Variants in GPR132 observed in about 807,000 individuals in gnomAD.
The protein encoded by GPR132 is G protein-coupled receptor 132.
GPR132 carries 4 observed loss-of-function variants against 1.9 expected under a neutral mutation model. The ratio of observed to expected loss-of-function variants is 2.13; its 90% confidence interval spans 1.05 to 4.87. The LOEUF (loss-of-function observed/expected upper bound fraction) is 4.87, where lower values mean the gene tolerates loss of function less well. Among genes scored for constraint, GPR132 ranks in the 30% most tolerant of loss-of-function variants. The pLI, the probability that GPR132 is intolerant of heterozygous loss-of-function variation, is 0.01. For synonymous variants in GPR132, 233 were observed against 234.2 expected (o/e 0.99, Z 0.05); for missense variants, 404 against 512.5 (o/e 0.79, Z 2.04).
At chr14:105,057,666 G>A (rs1278763898) in intron 1 of GPR132, among the ~76,000 whole-genome samples, 4 of 147,590 alleles carry the variant, frequency 2.7e-5, no homozygotes, top group South Asian at 4.3e-4. Flanking sequence ...GAGTACAGTC[G>A]CCTGCCACCA....
In GPR132 at chr14:105,056,102, C is replaced by G. The variant is rs1323923827; in HGVS notation, c.-682G>C. On this transcript the variant is annotated 5_prime_UTR_variant, in exon 3 of 4. Coordinates refer to ENST00000329797, the MANE Select transcript of GPR132 (RefSeq NM_013345.4). This position sits in a 1 kb window ranked among gnomAD's most constrained non-coding sequence, Gnocchi z 6.0. The stretch of plus-strand genomic sequence containing the variant: ...GCGGTGTGCAGGGCTCCGGTCTCCC[C>G]ACAGCCTCGCTGCGCTTGCTGGGTT... 1 of 984,372 alleles carries G rather than the reference C, an allele frequency of 1.0e-6. No homozygotes were observed. The highest frequency in any genetic ancestry group is 1.7e-5 in the African/African-American group (1 of 57,234). The allele number at this position is 984,372 out of a possible 1,614,324, so 61.0% of individuals were successfully genotyped here. A position where few individuals can be genotyped will look rare whatever the true frequency, so the allele number is the denominator to read the frequency against.
chr14:105,051,575 C>A lies in GPR132; in HGVS notation c.562G>T (p.Asp188Tyr). 1 of 1,614,046 alleles carries A rather than the reference C, an allele frequency of 6.2e-7. No individual in the cohort carries two copies. Among genetic ancestry groups the A allele is most frequent in the South Asian group, 1.1e-5 (1 of 91,082 alleles). Residue 188 changes from aspartate to tyrosine, a missense_variant, in exon 4 of 4, where the codon GAC becomes TAC. Asp to Tyr is a radical substitution (Grantham distance 160). Transcript: ENST00000329797. This position sits in a 1 kb window ranked among gnomAD's most constrained non-coding sequence, Gnocchi z 8.0. ...ATCCTGCTGTCCATCTGCAGCATGT[C>A]AAAGCAGGTCTCCTTGTCTTCCGTC... ...FQTEDKETCF[D>Y]MLQMDSRIAG...
At chr14:105,053,145 G>GTATTTT (rs1566733397) in intron 3 of GPR132, among the ~76,000 whole-genome samples, 1 of 137,604 alleles carries the variant, frequency 7.3e-6, no homozygotes, top group Non-Finnish European at 1.5e-5. Flanking sequence ...CTAACCTGTA[G>GTATTTT]TCTTTTTTTT....
intron 1 of GPR132, among the ~76,000 whole-genome samples, chr14:105,062,342 C>T (rs559307676): frequency 3.3e-5 from 5 of 152,312 alleles, no homozygotes; most frequent in African/African-American, 9.6e-5. Context: ...CCTTGGCAGC[C>T]CACTGAGGCC....
rs1886572904 is a variant in GPR132 at position 105,049,484 on chromosome 14, A to G, written c.*1510T>C. 6.6e-6 allele frequency: 1 copy of G among 152,048 alleles called. No individual in the cohort carries two copies. The highest frequency in any genetic ancestry group is 2.4e-5 in the African/African-American group (1 of 41,378). 9.4% of individuals were successfully genotyped at this position (152,048 alleles called of 1,614,324 possible). ...TGCCATGTTGCCGAGGCTGGTCTCA[A>G]ACTCCTGACCTCAACTGATCCTCCC... is the stretch of plus-strand genomic sequence containing the variant. On this transcript the variant is annotated 3_prime_UTR_variant, in exon 4 of 4. Transcript: ENST00000329797.
In GPR132 at chr14:105,051,540, G is replaced by A. The variant is rs763457133; in HGVS notation, c.597C>T (p.Tyr199=). The A allele has an allele frequency of 6.2e-7, 1 of 1,614,024 alleles. No individual in the cohort carries two copies. The highest frequency in any genetic ancestry group is 8.5e-7 in the Non-Finnish European group (1 of 1,180,032). ...AGCCAACGGTGAACCTGGCGTAGTA[G>A]TACCCGGCAATCCTGCTGTCCATCT... ...MLQMDSRIAG[Y]YYARFTVGFA... Residue 199 remains tyrosine (Y), a synonymous_variant, in exon 4 of 4, where the codon TAC becomes TAT. Transcript: ENST00000329797. This position sits in a 1 kb window ranked among gnomAD's most constrained non-coding sequence, Gnocchi z 8.0.
intron 3 of GPR132, 84 bp from the exon 4 acceptor site, chr14:105,052,186 C>G: frequency 1.7e-6 from 2 of 1,189,366 alleles, no homozygotes; most frequent in South Asian, 3.1e-5. Flanking sequence ...AGGATAGAAG[C>G]TTTGTGGTAG....
Position 105,050,739 on chromosome 14 carries a change from G to C in GPR132, c.*255C>G, listed in dbSNP as rs1234880693. 5.6e-6 allele frequency: 3 copies of C among 533,678 alleles called. No individual in the cohort carries two copies. The highest frequency in any genetic ancestry group is 1.0e-5 in the Non-Finnish European group (3 of 298,984). The allele number at this position is 533,678 out of a possible 1,614,324, so 33.1% of individuals were successfully genotyped here. On this transcript the variant is annotated 3_prime_UTR_variant, in exon 4 of 4. Coordinates refer to ENST00000329797, the MANE Select transcript of GPR132 (RefSeq NM_013345.4). This position sits in a 1 kb window ranked among gnomAD's most constrained non-coding sequence, Gnocchi z 4.0. ...CAGCCAGGCAGGCTGCTGATGAAGA[G>C]GCCCCACTGCCTGCCACATGCTCTC... is the stretch of plus-strand genomic sequence containing the variant.
In GPR132 at chr14:105,059,136, C is replaced by G. The variant is rs889594532; in HGVS notation, c.-860-1856G>C. Among the ~76,000 whole-genome samples the G allele has an allele frequency of 1.3e-5, 2 of 152,262 alleles. No individual in the cohort carries two copies. Among genetic ancestry groups the G allele is most frequent in the African/African-American group, 4.8e-5 (2 of 41,476 alleles). On this transcript the variant is annotated intron_variant, in intron 1 of 3. Coordinates refer to ENST00000329797, the MANE Select transcript of GPR132 (RefSeq NM_013345.4). The surrounding 1 kb of genome is among the most constrained non-coding windows in gnomAD (Gnocchi z 4.2). Reference sequence around the variant, plus strand: ...AGTCTCCCAGTGCACACTCCCCTCCCAGGGCAGGGCCGGCCCGGCTGCGGG... The same window carrying G: ...AGTCTCCCAGTGCACACTCCCCTCCGAGGGCAGGGCCGGCCCGGCTGCGGG...
chr14:105,050,774 G>A lies in GPR132; in HGVS notation c.*220C>T, dbSNP rs988473216. On this transcript the variant is annotated 3_prime_UTR_variant, in exon 4 of 4. Coordinates refer to ENST00000329797, the MANE Select transcript of GPR132 (RefSeq NM_013345.4). This position sits in a 1 kb window ranked among gnomAD's most constrained non-coding sequence, Gnocchi z 4.0. ...CCTGCCACATGCTCTCTGGGCTCCCGGAAGCCTGGAGGTGTCGCTCCTCCC... is the reference window on the plus strand; with the variant it reads ...CCTGCCACATGCTCTCTGGGCTCCCAGAAGCCTGGAGGTGTCGCTCCTCCC... 11 of 571,714 alleles carry A rather than the reference G, an allele frequency of 1.9e-5. No homozygotes were observed. Among genetic ancestry groups the A allele is most frequent in the South Asian group, 1.1e-4 (5 of 44,526 alleles). 35.4% of individuals were successfully genotyped at this position (571,714 alleles called of 1,614,324 possible). A position where few individuals can be genotyped will look rare whatever the true frequency, so the allele number is the denominator to read the frequency against.
rs150049701 is a variant in GPR132 at position 105,051,357 on chromosome 14, C to G, written c.780G>C (p.Leu260=). The G allele has an allele frequency of 3.2e-5, 52 of 1,613,970 alleles. No individual in the cohort carries two copies. The African/African-American group carries it at 5.2e-4, about 16-fold the overall frequency. ...IFLVCFAPYH[L]VLLVKAAAFS... is the part of the protein sequence containing the mutation. Reference sequence around the variant, plus strand: ...AGGCAGCGGCTTTGACGAGGAGAACCAGGTGGTACGGGGCGAAGCAGACTA... The same window carrying G: ...AGGCAGCGGCTTTGACGAGGAGAACGAGGTGGTACGGGGCGAAGCAGACTA... The change falls in exon 4 of 4, where the codon CTG becomes CTC. Residue 260 remains leucine (L), a synonymous_variant. Coordinates refer to ENST00000329797, the MANE Select transcript of GPR132 (RefSeq NM_013345.4). This position sits in a 1 kb window ranked among gnomAD's most constrained non-coding sequence, Gnocchi z 8.0.
In GPR132 at chr14:105,051,971, C is replaced by A; in HGVS notation, c.166G>T (p.Gly56Trp). 1.2e-6 allele frequency: 2 copies of A among 1,613,390 alleles called. No individual in the cohort carries two copies. Among genetic ancestry groups the A allele is most frequent in the Non-Finnish European group, 1.7e-6 (2 of 1,179,982 alleles). ...VVVYSAVCTL[G>W]VPANCLTAWL... Reference sequence around the variant, plus strand: ...GCAGTCAGGCAGTTGGCCGGCACCCCCAGCGTGCACACCGCGCTGTACACC... The same window carrying A: ...GCAGTCAGGCAGTTGGCCGGCACCCACAGCGTGCACACCGCGCTGTACACC... The change falls in exon 4 of 4, where the codon GGG becomes TGG. Residue 56 changes from glycine (G) to tryptophan (W), a missense_variant. Transcript: ENST00000329797. This position sits in a 1 kb window ranked among gnomAD's most constrained non-coding sequence, Gnocchi z 8.0.
At chr14:105,052,207 A>AGAT in intron 3 of GPR132, 105 bp from the exon 4 acceptor site, 6 of 885,358 alleles carry the variant, frequency 6.8e-6, no homozygotes, top group South Asian at 3.9e-5. Flanking sequence ...CTCAGACTAG[A>AGAT]CACACGCAGG....
chr14:105,056,322 C>G lies in GPR132; in HGVS notation c.-746-156G>C, dbSNP rs964510193. Among the ~76,000 whole-genome samples the G allele has an allele frequency of 5.3e-5, 8 of 152,196 alleles. No homozygotes were observed. Among genetic ancestry groups the G allele is most frequent in the African/African-American group, 1.7e-4 (7 of 41,460 alleles). On this transcript the variant is annotated intron_variant, in intron 2 of 3. Coordinates refer to ENST00000329797, the MANE Select transcript of GPR132 (RefSeq NM_013345.4). This position sits in a 1 kb window ranked among gnomAD's most constrained non-coding sequence, Gnocchi z 6.0. ...CTGTGTTTGCACTCACTGTTCTTCACCCAGATGGCTCTTTTCCCATCAAAC... is the reference window on the plus strand; with the variant it reads ...CTGTGTTTGCACTCACTGTTCTTCAGCCAGATGGCTCTTTTCCCATCAAAC...
At chr14:105,063,998 C>T (rs1887018622) in intron 1 of GPR132, among the ~76,000 whole-genome samples, 1 of 152,030 alleles carries the variant, frequency 6.6e-6, no homozygotes, top group Admixed American at 6.6e-5. Context: ...TGCCACCACG[C>T]CCGGCTAATT....
intron 1 of GPR132, chr14:105,058,012 T>C (rs1375236174): frequency 6.6e-6 from 1 of 152,166 alleles, no homozygotes; most frequent in Non-Finnish European, 1.5e-5. Flanking sequence ...TGTTTGTCAA[T>C]TATACCTTTA....
At chr14:105,062,468 C>G (rs1886968207) in intron 1 of GPR132, among the ~76,000 whole-genome samples, 1 of 152,112 alleles carries the variant, frequency 6.6e-6, no homozygotes, top group Non-Finnish European at 1.5e-5. Flanking sequence ...TTCCATGAAC[C>G]CATGTTTTCT....
chr14:105,051,010 A>T lies in GPR132; in HGVS notation c.1127T>A (p.Ile376Asn). The T allele has an allele frequency of 6.2e-7, 1 of 1,612,550 alleles. No individual in the cohort carries two copies. The highest frequency in any genetic ancestry group is 8.5e-7 in the Non-Finnish European group (1 of 1,178,762). ...ACAGTGGGCTCAGCAGGACTCCTCA[A>T]TCAGCCTCTTTGCAGGGCATGGTGA... ...PGSPCPAKRLIEESC is the reference protein window; with the variant it reads ...PGSPCPAKRLNEESC The change falls in exon 4 of 4, where the codon ATT becomes AAT. Residue 376 changes from isoleucine to asparagine, a missense_variant. Physicochemically the swap from Ile to Asn is moderately radical, Grantham distance 149. Coordinates refer to ENST00000329797, the MANE Select transcript of GPR132 (RefSeq NM_013345.4). The surrounding 1 kb of genome is among the most constrained non-coding windows in gnomAD (Gnocchi z 8.0).
rs1008134373 is a variant in GPR132, at chr14:105,055,092, G to C, written c.34+295C>G. On this transcript the variant is annotated intron_variant, in intron 3 of 3. Transcript: ENST00000329797. This position sits in a 1 kb window ranked among gnomAD's most constrained non-coding sequence, Gnocchi z 4.7. The stretch of plus-strand genomic sequence containing the variant: ...TTCCTTCAATCCCAACGCTTTGGAA[G>C]GACAAGGCAGGTGGATCACCCGAGG... Among the ~76,000 whole-genome samples, 65 of 151,414 alleles carry C rather than the reference G, an allele frequency of 4.3e-4. No homozygotes were observed. Among genetic ancestry groups the C allele is most frequent in the African/African-American group, 1.5e-3 (60 of 41,166 alleles).
Sources: allele counts gnomAD v4.1 joint callset (sites outside exome capture counted in the v4.1 genomes callset), GRCh38; gene constraint gnomAD v4.1.1; non-coding constraint Gnocchi (gnomAD v3.1); transcripts MANE v1.5; gene names NCBI Gene and HGNC (gene_info 2026-07-23, HGNC 2026-07-21).